Variants in PRKG1 observed in about 807,000 individuals in gnomAD.
PRKG1 encodes the protein cGMP-dependent protein kinase 1.
Under a neutral mutation model 88.1 loss-of-function variants are expected in PRKG1, and 35 were observed. That is an observed-to-expected ratio of 0.40 (90% CI 0.30 to 0.53). The LOEUF (loss-of-function observed/expected upper bound fraction) is 0.53, where lower values mean the gene tolerates loss of function less well. Among genes scored for constraint, PRKG1 ranks in the 20% least tolerant of loss-of-function variants. PRKG1 has a pLI of 0.59. For synonymous variants in PRKG1, 303 were observed against 292.5 expected (o/e 1.04, Z -0.37); for missense variants, 540 against 839.8 (o/e 0.64, Z 4.41).
At chr10:52,267,694 G>T (rs79509765) in intron 10 of PRKG1, among the ~76,000 whole-genome samples, 3,947 of 151,962 alleles carry the variant, frequency 0.026, 138 homozygotes, top group African/African-American at 0.087. Flanking sequence ...CGAACACACT[G>T]TGAGATCATA....
At position 51,581,339 on chromosome 10, in the gene PRKG1, A is replaced by G. The variant is rs1165900286; in HGVS notation, c.592+113503A>G. 2.0e-5 allele frequency among the ~76,000 whole-genome samples: 3 copies of G among 152,292 alleles called. No homozygotes were observed. The East Asian group carries it at 5.8e-4, about 30-fold the overall frequency. On this transcript the variant is annotated intron_variant, in intron 3 of 17. Coordinates refer to ENST00000373980, the MANE Select transcript of PRKG1 (RefSeq NM_006258.4). ...AGCAAAAGCTGGTTACAAACAATCC[A>G]TAGAAACAGGACGTGAAGCTAGACA...
At chr10:51,731,848 G>T (rs1398699029) in intron 3 of PRKG1, among the ~76,000 whole-genome samples, 6 of 152,136 alleles carry the variant, frequency 3.9e-5, no homozygotes, top group African/African-American at 1.4e-4. Context: ...GAAGTTTAAT[G>T]TCAAGGTGTT....
chr10:51,215,055 G>A (rs1838335009), intron 2 of PRKG1, among the ~76,000 whole-genome samples: 1 of 152,142 alleles, frequency 6.6e-6, no homozygotes, highest in East Asian at 1.9e-4. Context: ...ACTTCAAAAG[G>A]TCAGGGACAG....
At chr10:51,945,284 C>CT (rs1564721074) in intron 5 of PRKG1, among the ~76,000 whole-genome samples, 3 of 150,838 alleles carry the variant, frequency 2.0e-5, no homozygotes, top group African/African-American at 4.9e-5. Flanking sequence ...CAACCCCAGC[C>CT]TTTTTTTGTT....
chr10:51,117,212 T>G (rs1845147575), intron 1 of PRKG1, among the ~76,000 whole-genome samples: 1 of 152,220 alleles, frequency 6.6e-6, no homozygotes, highest in South Asian at 2.1e-4. Flanking sequence ...AGCATGGTCT[T>G]TCACTCTGGT....
intron 5 of PRKG1, among the ~76,000 whole-genome samples, chr10:52,007,035 A>G (rs1223782404): frequency 6.6e-6 from 1 of 152,210 alleles, no homozygotes; most frequent in Non-Finnish European, 1.5e-5. Context: ...TAAACTTCAT[A>G]AGTGAAGGAG....
intron 2 of PRKG1, among the ~76,000 whole-genome samples, chr10:51,194,230 T>G (rs1424722698): frequency 6.6e-6 from 1 of 151,994 alleles, no homozygotes; most frequent in African/African-American, 2.4e-5. Flanking sequence ...TTCAACTTTT[T>G]TTTTAGTTTT....
Position 51,709,323 on chromosome 10 carries a change from A to AT in PRKG1, c.593-95257dup, listed in dbSNP as rs148322392. Among the ~76,000 whole-genome samples the AT allele has an allele frequency of 2.5e-3, 373 of 152,230 alleles. 2 individuals carry two copies. Among genetic ancestry groups the AT allele is most frequent in the African/African-American group, 8.2e-3 (342 of 41,534 alleles). ...CATCCTTCATATAAAAATATTGACCATTTTTCTTGACAGTTTAATGACAAA... is the reference window on the plus strand; with the variant it reads ...CATCCTTCATATAAAAATATTGACCATTTTTTCTTGACAGTTTAATGACAAA... On this transcript the variant is annotated intron_variant, in intron 3 of 17. Coordinates refer to ENST00000373980, the MANE Select transcript of PRKG1 (RefSeq NM_006258.4).
chr10:51,392,436 A>G (rs1184918487), intron 2 of PRKG1, among the ~76,000 whole-genome samples: 1 of 152,176 alleles, frequency 6.6e-6, no homozygotes, highest in Non-Finnish European at 1.5e-5. Flanking sequence ...TTCAGAGAGC[A>G]CCGGGTTGGG....
At chr10:52,236,507 T>C (rs1840690713) in intron 9 of PRKG1, among the ~76,000 whole-genome samples, 1 of 53,084 alleles carries the variant, frequency 1.9e-5, no homozygotes, top group African/African-American at 9.7e-5. Flanking sequence ...CCCACAGAAA[T>C]ACAAACTACC....
At chr10:51,361,271 G>A (rs1314033689) in intron 2 of PRKG1, among the ~76,000 whole-genome samples, 1 of 151,834 alleles carries the variant, frequency 6.6e-6, no homozygotes, top group Admixed American at 6.6e-5. Context: ...GGCATGAACC[G>A]CTATACAGAC....
chr10:52,039,351 T>G lies in PRKG1; in HGVS notation c.763-15133T>G, dbSNP rs574655179. ...AGTGGGGGTGCTTTTTGAGCCAGGATGAGCCAGGAAAAGGACTTTCACAAG... is the reference window on the plus strand; with the variant it reads ...AGTGGGGGTGCTTTTTGAGCCAGGAGGAGCCAGGAAAAGGACTTTCACAAG... On this transcript the variant is annotated intron_variant, in intron 5 of 17. Transcript: ENST00000373980. Among the ~76,000 whole-genome samples, 24 of 152,126 alleles carry G rather than the reference T, an allele frequency of 1.6e-4. No individual in the cohort carries two copies. The South Asian group carries it at 5.0e-3, about 32-fold the overall frequency.
intron 3 of PRKG1, among the ~76,000 whole-genome samples, chr10:51,610,170 T>C (rs181049788): frequency 3.3e-4 from 51 of 152,294 alleles, no homozygotes; most frequent in Non-Finnish European, 2.9e-5. Flanking sequence ...TTTTTTAAAA[T>C]GTACAATACA....
chr10:51,105,439 T>C (rs1317221075), intron 1 of PRKG1, among the ~76,000 whole-genome samples: 1 of 152,110 alleles, frequency 6.6e-6, no homozygotes, highest in Non-Finnish European at 1.5e-5. Context: ...GTGTGGGAAG[T>C]GAGGTGCTAG....
chr10:51,373,856 T>C (rs1355900850), intron 2 of PRKG1, among the ~76,000 whole-genome samples: 1 of 151,694 alleles, frequency 6.6e-6, no homozygotes, highest in Admixed American at 6.6e-5. Flanking sequence ...TAAAAAATTA[T>C]ACTTTGGCTG....
chr10:52,110,445 G>A (rs1403018059), intron 7 of PRKG1, among the ~76,000 whole-genome samples: 1 of 151,996 alleles, frequency 6.6e-6, no homozygotes, highest in Non-Finnish European at 1.5e-5. Flanking sequence ...ATATTTTTGT[G>A]TGTCTTTTGT....
rs139669190 is a variant in PRKG1, at chr10:51,316,685, A to AAAATAAATAAATAAAT, written c.479-151026_479-151011dup. Among the ~76,000 whole-genome samples the AAAATAAATAAATAAAT allele has an allele frequency of 1.7e-3, 258 of 151,010 alleles. 1 individual carries two copies. Among genetic ancestry groups the AAAATAAATAAATAAAT allele is most frequent in the South Asian group, 3.8e-3 (18 of 4,748 alleles). ...CGACAAGAGCAAGACTCCGTCTCAA[A>AAAATAAATAAATAAAT]AAATAAATAAATAAATAAATAAATA... On this transcript the variant is annotated intron_variant, in intron 2 of 17. Transcript: ENST00000373980.
intron 4 of PRKG1, among the ~76,000 whole-genome samples, chr10:51,858,012 C>CCA (rs1554849333): frequency 7.1e-6 from 1 of 141,822 alleles, no homozygotes; most frequent in South Asian, 2.2e-4. Flanking sequence ...GCCTGTGTGT[C>CCA]TTTAAAGGCA....
intron 8 of PRKG1, among the ~76,000 whole-genome samples, chr10:52,157,910 C>T (rs1320418838): frequency 6.6e-6 from 1 of 151,568 alleles, no homozygotes; most frequent in East Asian, 1.9e-4. Context: ...TATCTGTGTA[C>T]TCAACTGATA....
Sources: allele counts gnomAD v4.1 joint callset (sites outside exome capture counted in the v4.1 genomes callset), GRCh38; gene constraint gnomAD v4.1.1; transcripts MANE v1.5; gene names NCBI Gene and HGNC (gene_info 2026-07-23, HGNC 2026-07-21).